The following MAD1L1 variants were observed in gnomAD, a reference collection of about 807,000 sequenced individuals.
The protein encoded by MAD1L1 is mitotic arrest deficient 1 like 1, also known as mitotic spindle assembly checkpoint protein MAD1.
In MAD1L1, 95 loss-of-function variants were observed where a neutral mutation model predicts 96.9. The ratio of observed to expected loss-of-function variants is 0.98; its 90% CI spans 0.83 to 1.16. MAD1L1 has a LOEUF of 1.16. Ranked by LOEUF, MAD1L1 falls within the 50% of genes most tolerant of loss-of-function variation. The pLI is 0.00. For synonymous variants in MAD1L1, 473 were observed against 396.6 expected (o/e 1.19, Z -2.29); for missense variants, 1,007 against 954.4 (o/e 1.06, Z -0.73).
intron 18 of MAD1L1, among the ~76,000 whole-genome samples, chr7:1,886,526 G>A (rs549000824): frequency 6.6e-6 from 1 of 152,194 alleles, no homozygotes; most frequent in South Asian, 2.1e-4. Flanking sequence ...GGCTGAGTGG[G>A]AGAGCACGGT....
chr7:1,975,258 CCAGGCCCCCT>C (rs1780582384), intron 15 of MAD1L1, among the ~76,000 whole-genome samples: 1 of 152,244 alleles, frequency 6.6e-6, no homozygotes, highest in African/African-American at 2.4e-5. Flanking sequence ...CAGTCCATCA[CCAGGCCCCCT>C]CGGGGCCACG....
chr7:1,827,947 C>T (rs185159662), intron 18 of MAD1L1, among the ~76,000 whole-genome samples: 13 of 152,312 alleles, frequency 8.5e-5, no homozygotes, highest in Admixed American at 6.5e-4. Context: ...AGTGACGTTT[C>T]GTGGAGCGCC....
intron 18 of MAD1L1, among the ~76,000 whole-genome samples, chr7:1,823,475 C>T (rs566685634): frequency 3.9e-5 from 6 of 152,282 alleles, no homozygotes; most frequent in South Asian, 2.1e-4. Flanking sequence ...CACGACAGGG[C>T]GCCAGCGTCT....
At chr7:2,015,476 G>A (rs955871455) in intron 12 of MAD1L1, among the ~76,000 whole-genome samples, 1 of 152,242 alleles carries the variant, frequency 6.6e-6, no homozygotes, top group African/African-American at 2.4e-5. Context: ...GGAGCTGTGT[G>A]CTGCCTCCAG....
intron 12 of MAD1L1, among the ~76,000 whole-genome samples, chr7:2,057,948 T>C (rs1315489283): frequency 2.6e-5 from 4 of 151,896 alleles, no homozygotes; most frequent in African/African-American, 9.7e-5. Context: ...GAAAGGGGCA[T>C]GGAGAGAAGC....
chr7:1,960,362 T>C (rs1013562748), intron 15 of MAD1L1, among the ~76,000 whole-genome samples: 2 of 151,608 alleles, frequency 1.3e-5, no homozygotes, highest in Admixed American at 1.3e-4. Flanking sequence ...GTAGCCTAAC[T>C]ACCACAATTA....
chr7:2,041,239 T>G (rs922334100), intron 12 of MAD1L1, among the ~76,000 whole-genome samples: 1 of 152,188 alleles, frequency 6.6e-6, no homozygotes, highest in Non-Finnish European at 1.5e-5. Context: ...CTGACAACTG[T>G]GAATCCTTCC....
chr7:2,097,307 C>CTGCGAGGCCGGGCGCGGTG (rs1786544099), intron 11 of MAD1L1, among the ~76,000 whole-genome samples: 1 of 152,196 alleles, frequency 6.6e-6, no homozygotes, highest in Admixed American at 6.5e-5. Context: ...AGGAGATGAC[C>CTGCGAGGCCGGGCGCGGTG]GCTAAGGCCT....
At chr7:1,906,654 C>T (rs892415383) in intron 17 of MAD1L1, among the ~76,000 whole-genome samples, 5 of 152,240 alleles carry the variant, frequency 3.3e-5, no homozygotes, top group South Asian at 4.1e-4. Flanking sequence ...TTCCCTGCGG[C>T]GCACCCTGAG....
Position 1,886,200 on chromosome 7 carries a change from T to C in MAD1L1, c.1998+12000A>G, listed in dbSNP as rs188937893. 1.4e-4 allele frequency among the ~76,000 whole-genome samples: 22 copies of C among 152,328 alleles called. No individual in the cohort carries two copies. The East Asian group carries it at 4.1e-3, about 28-fold the overall frequency. ...CCTGGAATGGCACAGGGCTAGTCACTGTCTAAGGGGCTTGTCCTCTGGGGG... is the reference window on the plus strand; with the variant it reads ...CCTGGAATGGCACAGGGCTAGTCACCGTCTAAGGGGCTTGTCCTCTGGGGG... On this transcript the variant is annotated intron_variant, in intron 18 of 18. Coordinates refer to ENST00000265854, the MANE Select transcript of MAD1L1 (RefSeq NM_001013836.2).
intron 17 of MAD1L1, among the ~76,000 whole-genome samples, chr7:1,918,751 G>A (rs917610465): frequency 4.3e-4 from 66 of 152,230 alleles, no homozygotes; most frequent in African/African-American, 1.5e-3. Context: ...CCAGCCTTCA[G>A]CAAAGCCACT....
At chr7:1,936,047 G>A (rs1778579219) in intron 17 of MAD1L1, among the ~76,000 whole-genome samples, 4 of 152,230 alleles carry the variant, frequency 2.6e-5, no homozygotes, top group East Asian at 1.9e-4. Flanking sequence ...CTCGCTGGGG[G>A]TGCAGACTGC....
chr7:1,899,265 G>A (rs546295145), intron 17 of MAD1L1, among the ~76,000 whole-genome samples: 10 of 152,194 alleles, frequency 6.6e-5, no homozygotes, highest in South Asian at 4.1e-4. Flanking sequence ...ATTTATCCCC[G>A]CGTTAATTAT....
chr7:2,085,549 T>C (rs916394200), intron 11 of MAD1L1, among the ~76,000 whole-genome samples: 5 of 152,216 alleles, frequency 3.3e-5, no homozygotes, highest in African/African-American at 9.7e-5. Context: ...CTTTGCCTAT[T>C]CTGGGCACTT....
intron 18 of MAD1L1, among the ~76,000 whole-genome samples, chr7:1,851,129 GC>G: frequency 6.6e-6 from 1 of 152,332 alleles, no homozygotes; most frequent in African/African-American, 2.4e-5. Context: ...CACTCATGTG[GC>G]CCTCCCAGCC....
intron 17 of MAD1L1, among the ~76,000 whole-genome samples, chr7:1,911,419 G>A (rs1562516710): frequency 1.3e-5 from 2 of 152,220 alleles, no homozygotes; most frequent in South Asian, 4.1e-4. Flanking sequence ...CCCAGCTTCG[G>A]AAGGGAAGCG....
intron 10 of MAD1L1, among the ~76,000 whole-genome samples, chr7:2,155,618 G>T (rs187131990): frequency 5.9e-5 from 9 of 152,296 alleles, no homozygotes; most frequent in Admixed American, 3.9e-4. Context: ...GCTCATCCAT[G>T]TTACAGCATG....
chr7:1,889,313 C>A (rs1786390741), intron 18 of MAD1L1, among the ~76,000 whole-genome samples: 3 of 152,238 alleles, frequency 2.0e-5, no homozygotes, highest in African/African-American at 4.8e-5. Flanking sequence ...AACACTCGGG[C>A]AAGGCCTCAG....
chr7:1,882,523 C>T (rs995364612), intron 18 of MAD1L1, among the ~76,000 whole-genome samples: 1 of 152,204 alleles, frequency 6.6e-6, no homozygotes, highest in Non-Finnish European at 1.5e-5. Flanking sequence ...GTTGCTCTGG[C>T]TGGAGTCTCC....
Sources: gnomAD v4.1 joint callset for allele counts (sites outside exome capture counted in the v4.1 genomes callset) on GRCh38, gnomAD v4.1.1 for gene constraint, MANE v1.5 for transcripts, NCBI Gene and HGNC (gene_info 2026-07-23, HGNC 2026-07-21) for gene names.